The following TENM1 variants were observed in gnomAD, a reference collection of about 807,000 sequenced individuals.
TENM1 encodes the protein teneurin transmembrane protein 1, also known as teneurin-1.
In TENM1, 35 loss-of-function variants were observed where a neutral mutation model predicts 174.8. The ratio of observed to expected loss-of-function variants is 0.20; its 90% CI spans 0.15 to 0.27. The LOEUF (loss-of-function observed/expected upper bound fraction) is 0.27. TENM1 is among the 10% of genes least tolerant of loss of function. TENM1 has a pLI of 1.00. For synonymous variants in TENM1, 781 were observed against 798.7 expected (o/e 0.98, Z 0.37); for missense variants, 1,633 against 2,130.1 (o/e 0.77, Z 4.59).
chrX:124,428,010 C>G (rs1170661099), intron 23 of TENM1, among the ~76,000 whole-genome samples: 1 of 111,765 alleles, frequency 8.9e-6, no homozygotes, highest in East Asian at 2.8e-4. Flanking sequence ...TGCCTAGTGA[C>G]CCAACCTACA....
At chrX:124,436,864 G>T (rs1442434003) in intron 23 of TENM1, among the ~76,000 whole-genome samples, 1 of 106,999 alleles carries the variant, frequency 9.3e-6, no homozygotes, top group African/African-American at 3.4e-5. Context: ...TGTAACATCT[G>T]TACATCACAT....
At position 124,650,885 on chromosome X, in the gene TENM1, ATTACT is replaced by A. The variant is rs777601893; in HGVS notation, c.1579+1024_1579+1028del. Among the ~76,000 whole-genome samples, 166 of 112,047 alleles carry A rather than the reference ATTACT, an allele frequency of 1.5e-3. 2 individuals are homozygous for A. The highest frequency in any genetic ancestry group is 5.2e-3 in the African/African-American group (160 of 30,902). On this transcript the variant is annotated intron_variant, in intron 8 of 31. Coordinates refer to ENST00000422452, the Ensembl canonical transcript of TENM1. ...TCATTTCCATTGTATTGACTTTCTG[ATTACT>A]TTAGAAGAAAGTTTTGATAATCTTA...
Position 124,422,533 on chromosome X carries a change from G to A in TENM1, c.4210C>T (p.Arg1404Trp), listed in dbSNP as rs905563635. The change falls in exon 24 of 32, where the codon CGG becomes TGG. Residue 1404 changes from arginine (R) to tryptophan (W), a missense_variant. By Grantham distance (101) the Arg-to-Trp change is moderately radical (BLOSUM62 -3). This residue lies in a region of TENM1 where 807 missense variants were observed against 1,125.3 expected (regional missense o/e 0.72). Transcript: ENST00000422452. ...TGAATGGGGCGTCCTGCGATGATCC[G>A]AACACGCCTGTTCTCAGAAATTTGC... The A allele has an allele frequency of 1.2e-5, 15 of 1,208,812 alleles. No individual in the cohort carries two copies. The highest frequency in any genetic ancestry group is 1.8e-5 in the South Asian group (1 of 56,733).
At chrX:124,653,161 A>G (rs1403182262) in intron 7 of TENM1, among the ~76,000 whole-genome samples, 3 of 111,978 alleles carry the variant, frequency 2.7e-5, no homozygotes, top group Non-Finnish European at 5.6e-5. Context: ...AAAAATTTCT[A>G]CCTGTAAGAC....
At chrX:124,470,341 T>A (rs912706051) in intron 22 of TENM1, among the ~76,000 whole-genome samples, 2 of 111,277 alleles carry the variant, frequency 1.8e-5, no homozygotes, top group Admixed American at 1.9e-4. Context: ...TATTATTAAA[T>A]AAAAGAAGCA....
At position 124,758,929 on chromosome X, in the gene TENM1, G is replaced by C. The variant is rs1394435510; in HGVS notation, c.536-21732C>G. ...TGGGTATAAATTTTTGATTTTGCAA[G>C]ATGAAAAGGTTCCAGATATTTGCTA... On this transcript the variant is annotated intron_variant, in intron 3 of 31. Transcript: ENST00000422452. Among the ~76,000 whole-genome samples, 4 of 111,542 alleles carry C rather than the reference G, an allele frequency of 3.6e-5. No individual in the cohort carries two copies. The Admixed American group carries it at 3.8e-4, about 11-fold the overall frequency.
At chrX:124,461,507 T>A (rs1468232095) in intron 22 of TENM1, among the ~76,000 whole-genome samples, 9 of 111,520 alleles carry the variant, frequency 8.1e-5, no homozygotes, top group African/African-American at 2.9e-4. Context: ...TAAGTACCCA[T>A]CAATAGGTGA....
intron 3 of TENM1, among the ~76,000 whole-genome samples, chrX:124,747,970 T>C (rs1000502994): frequency 8.9e-6 from 1 of 112,046 alleles, no homozygotes; most frequent in Non-Finnish European, 1.9e-5. Flanking sequence ...TCCCTTTTGC[T>C]TCCCCTGTAC....
chrX:125,108,500 C>A, the TENM1 span, among the ~76,000 whole-genome samples: 1 of 110,890 alleles, frequency 9.0e-6, no homozygotes, highest in African/African-American at 3.3e-5. Flanking sequence ...GTGGGCAGAT[C>A]ACCTGAGGTC....
intron 18 of TENM1, among the ~76,000 whole-genome samples, chrX:124,516,666 G>T (rs1487656074): frequency 2.7e-5 from 3 of 111,644 alleles, no homozygotes; most frequent in African/African-American, 9.8e-5. Flanking sequence ...ATAGATGCTG[G>T]CAAGGTTGTG....
the TENM1 span, among the ~76,000 whole-genome samples, chrX:125,126,249 A>G: frequency 8.1e-5 from 9 of 111,326 alleles, no homozygotes; most frequent in Admixed American, 8.7e-4. Flanking sequence ...GCATTTCATC[A>G]TTATTTTTTA....
chrX:124,744,772 A>G (rs969051327), intron 3 of TENM1, among the ~76,000 whole-genome samples: 3 of 111,951 alleles, frequency 2.7e-5, no homozygotes, highest in African/African-American at 9.7e-5. Context: ...CATTTAATGA[A>G]TTAGCTAATA....
the TENM1 span, among the ~76,000 whole-genome samples, chrX:125,153,832 C>T: frequency 3.2e-3 from 364 of 112,436 alleles, no homozygotes; most frequent in Non-Finnish European, 4.9e-3. Flanking sequence ...CCAGCAATGA[C>T]ACAGAAATCT....
At chrX:125,156,749 A>G in the TENM1 span, among the ~76,000 whole-genome samples, 6 of 112,006 alleles carry the variant, frequency 5.4e-5, no homozygotes, top group African/African-American at 1.6e-4. Flanking sequence ...TGGTAGAACG[A>G]TTTATATTCC....
intron 22 of TENM1, among the ~76,000 whole-genome samples, chrX:124,467,386 G>A (rs1279781612): frequency 9.0e-6 from 1 of 111,687 alleles, no homozygotes; most frequent in Non-Finnish European, 1.9e-5. Context: ...TTCGGTCAAC[G>A]ATAAAGCTGA....
the TENM1 span, among the ~76,000 whole-genome samples, chrX:125,085,247 A>C: frequency 9.0e-6 from 1 of 111,086 alleles, no homozygotes; most frequent in East Asian, 2.8e-4. Context: ...ATGGTTTTAA[A>C]TACCTGCCCA....
intron 11 of TENM1, among the ~76,000 whole-genome samples, chrX:124,582,395 T>C (rs2049342360): frequency 8.9e-6 from 1 of 112,314 alleles, no homozygotes; most frequent in Non-Finnish European, 1.9e-5. Context: ...GTTTGTGTTA[T>C]CTATGATTTA....
the TENM1 span, among the ~76,000 whole-genome samples, chrX:125,015,820 G>T: frequency 9.0e-6 from 1 of 111,526 alleles, no homozygotes; most frequent in Non-Finnish European, 1.9e-5. Flanking sequence ...ATTAGTTCGT[G>T]CAACCACATA....
intron 6 of TENM1, among the ~76,000 whole-genome samples, chrX:124,664,368 T>A (rs1392578245): frequency 9.1e-6 from 1 of 109,639 alleles, no homozygotes; most frequent in African/African-American, 3.3e-5. Flanking sequence ...GTTGGTGCAG[T>A]TTTTTAGTTT....
Sources: allele counts gnomAD v4.1 joint callset (sites outside exome capture counted in the v4.1 genomes callset), GRCh38; gene constraint gnomAD v4.1.1; regional missense constraint gnomAD v4.1.1; transcripts MANE v1.5; gene names NCBI Gene and HGNC (gene_info 2026-07-23, HGNC 2026-07-21).